The following ELF1 variants were observed in gnomAD, a reference collection of about 807,000 sequenced individuals.
ELF1 encodes the protein E74 like ETS transcription factor 1, also known as ETS-related transcription factor Elf-1.
A neutral mutation model predicts 59.9 loss-of-function variants in ELF1; 24 were observed. That is an observed-to-expected ratio of 0.40 (90% CI 0.29 to 0.56). The LOEUF (loss-of-function observed/expected upper bound fraction) is 0.56, where lower values mean the gene tolerates loss of function less well. Ranked by LOEUF, ELF1 falls within the 20% of genes least tolerant of loss-of-function variation. ELF1 has a pLI of 0.44. For missense variants in ELF1, 627 were observed against 742.2 expected, an observed-to-expected ratio of 0.84 and a Z score of 1.80; for synonymous variants, 248 against 266.2, an observed-to-expected ratio of 0.93 and a Z score of 0.67.
chr13:40,985,608 A>G (rs1250482272), intron 1 of ELF1, among the ~76,000 whole-genome samples: 1 of 152,202 alleles, frequency 6.6e-6, no homozygotes, highest in African/African-American at 2.4e-5. Context: ...CTGAGCTCCA[A>G]ATCCAGTCAC....
At chr13:40,940,851 C>A in intron 8 of ELF1, 70 bp downstream of exon 8, 2 of 1,457,486 alleles carry the variant, frequency 1.4e-6, no homozygotes, top group South Asian at 1.4e-5. Context: ...AATCTTGACC[C>A]ACTTAACAAA....
chr13:40,995,608 A>G (rs1874088788), intron 1 of ELF1, among the ~76,000 whole-genome samples: 1 of 152,122 alleles, frequency 6.6e-6, no homozygotes, highest in Non-Finnish European at 1.5e-5. Context: ...AGGCAATACA[A>G]TAAAGAAAAG....
chr13:40,954,453 C>T (rs1239700402), intron 3 of ELF1, among the ~76,000 whole-genome samples: 1 of 149,964 alleles, frequency 6.7e-6, no homozygotes, highest in African/African-American at 2.5e-5. Flanking sequence ...CCTCTCCCCA[C>T]GGTCTCCCTC....
At position 40,941,075 on chromosome 13, in the gene ELF1, A is replaced by C. The variant is rs1162402509; in HGVS notation, c.1102T>G (p.Leu368Val). 1.2e-6 allele frequency: 2 copies of C among 1,614,072 alleles called. No individual in the cohort carries two copies. Among genetic ancestry groups the C allele is most frequent in the Non-Finnish European group, 1.7e-6 (2 of 1,180,044 alleles). Residue 368 changes from leucine (L) to valine (V), a missense_variant, in exon 8 of 9, where the codon TTG becomes GTG. Leu to Val is a conservative substitution (Grantham distance 32). Coordinates refer to ENST00000239882, the MANE Select transcript of ELF1 (RefSeq NM_172373.4). ...PVEVAQPSEV[L>V]RTVQPTQSPY... ...GACTGCGTGGGCTGCACTGTCCTCA[A>C]AACTTCTGATGGTTGTGCAACTTCC... is the stretch of plus-strand genomic sequence containing the variant.
upstream of ELF1, among the ~76,000 whole-genome samples, chr13:41,024,210 T>C (rs2138397750): frequency 6.6e-6 from 1 of 152,328 alleles, no homozygotes; most frequent in East Asian, 1.9e-4. Flanking sequence ...CTGAAGGAGC[T>C]TTATGAAGAC....
exon 1 of ELF1, chr13:41,061,230 C>T (rs923100754): frequency 3.0e-5 from 7 of 231,506 alleles, no homozygotes; most frequent in South Asian, 5.7e-5. Context: ...GCGTTCCGGG[C>T]GGAGGCGGCG....
At chr13:41,004,024 A>G (rs1405483643) in intron 1 of ELF1, among the ~76,000 whole-genome samples, 11 of 152,192 alleles carry the variant, frequency 7.2e-5, no homozygotes, top group Admixed American at 7.2e-4. Context: ...GATTCTAGAA[A>G]AAAGAAAATA....
intron 1 of ELF1, among the ~76,000 whole-genome samples, chr13:41,050,616 G>A (rs985529560): frequency 6.6e-6 from 1 of 152,144 alleles, no homozygotes; most frequent in Non-Finnish European, 1.5e-5. Context: ...GAGTGCAGTG[G>A]CACAATCTCG....
At chr13:40,975,809 G>GT (rs1351044300) in intron 2 of ELF1, among the ~76,000 whole-genome samples, 4 of 151,146 alleles carry the variant, frequency 2.6e-5, no homozygotes, top group African/African-American at 9.7e-5. Flanking sequence ...CAACAGGTAA[G>GT]TTTTACCTAT....
intron 1 of ELF1, among the ~76,000 whole-genome samples, chr13:41,004,177 A>T (rs1363381016): frequency 6.6e-6 from 1 of 152,182 alleles, no homozygotes; most frequent in African/African-American, 2.4e-5. Flanking sequence ...CAATGTAAAC[A>T]GATAATTACA....
chr13:40,993,320 G>A, intron 1 of ELF1: 1 of 1,484,474 alleles, frequency 6.7e-7, no homozygotes, highest in South Asian at 1.1e-5. Context: ...TGGGACTGCT[G>A]CCTTTTTCAC....
intron 1 of ELF1, among the ~76,000 whole-genome samples, chr13:41,031,068 T>TTCC (rs767320062): frequency 3.4e-5 from 5 of 148,778 alleles, no homozygotes; most frequent in Non-Finnish European, 7.4e-5. Context: ...GTGGCTAAGG[T>TTCC]GGGAGGATTG....
chr13:40,968,204 C>G (rs1872305323), intron 2 of ELF1, among the ~76,000 whole-genome samples: 2 of 152,070 alleles, frequency 1.3e-5, no homozygotes, highest in Admixed American at 6.5e-5. Context: ...ATGGGAGAAA[C>G]AAAACTTCAA....
intron 1 of ELF1, among the ~76,000 whole-genome samples, chr13:41,032,525 T>C (rs1166469036): frequency 6.6e-6 from 1 of 152,078 alleles, no homozygotes; most frequent in African/African-American, 2.4e-5. Flanking sequence ...GCGATATTTA[T>C]TAATTATCTG....
At chr13:41,012,565 G>T (rs1875137222) in intron 1 of ELF1, among the ~76,000 whole-genome samples, 1 of 132,694 alleles carries the variant, frequency 7.5e-6, no homozygotes. Context: ...TTTTTTAAGA[G>T]ACAGATTCTT....
At chr13:41,024,016 G>A (rs1875786709), upstream of ELF1, among the ~76,000 whole-genome samples, 1 of 152,094 alleles carries the variant, frequency 6.6e-6, no homozygotes, top group African/African-American at 2.4e-5. Context: ...TGTTTCCTCT[G>A]ATATTAAAAA....
Position 41,008,216 on chromosome 13 carries a change from T to C in ELF1, c.-229+11012A>G, listed in dbSNP as rs141800952. Among the ~76,000 whole-genome samples the C allele has an allele frequency of 1.8e-3, 272 of 152,348 alleles. 1 individual carries two copies. The highest frequency in any genetic ancestry group is 3.2e-3 in the Non-Finnish European group (218 of 68,030). ...TTGAGAAAAAGCATTTATGCTATTA[T>C]TCTTCGACCTGTGAGCCAAACTAGC... On this transcript the variant is annotated intron_variant, in intron 1 of 8. Coordinates refer to ENST00000239882, the MANE Select transcript of ELF1 (RefSeq NM_172373.4).
At chr13:41,035,307 T>C (rs2138412642) in intron 1 of ELF1, among the ~76,000 whole-genome samples, 1 of 152,352 alleles carries the variant, frequency 6.6e-6, no homozygotes, top group Admixed American at 6.5e-5. Context: ...TGGTCATTTA[T>C]TTCAGCATGA....
At chr13:40,975,719 G>GT (rs1158112609) in intron 2 of ELF1, among the ~76,000 whole-genome samples, 1 of 152,136 alleles carries the variant, frequency 6.6e-6, no homozygotes, top group Non-Finnish European at 1.5e-5. Flanking sequence ...TGTGGGCAAG[G>GT]TATCACCCTC....
Sources: allele counts gnomAD v4.1 joint callset (sites outside exome capture counted in the v4.1 genomes callset), GRCh38; gene constraint gnomAD v4.1.1; transcripts MANE v1.5; gene names NCBI Gene and HGNC (gene_info 2026-07-23, HGNC 2026-07-21).